EXT2: variants seen among roughly 807,000 people sequenced by gnomAD.
EXT2 encodes exostosin glycosyltransferase 2.
EXT2 carries 53 observed loss-of-function variants against 81.6 expected under a neutral mutation model. The ratio of observed to expected loss-of-function variants is 0.65; its 90% CI spans 0.52 to 0.82. The LOEUF is 0.82. EXT2 is among the 40% of genes least tolerant of loss of function. The pLI, the probability that EXT2 is intolerant of heterozygous loss-of-function variation, is 0.00. For synonymous variants in EXT2, 320 were observed against 340.0 expected, an observed-to-expected ratio of 0.94 and a Z score of 0.65; for missense variants, 774 against 910.2, an observed-to-expected ratio of 0.85 and a Z score of 1.93.
At position 44,109,488 on chromosome 11, in the gene EXT2, C is replaced by G. The variant is rs1590550251; in HGVS notation, c.626+205C>G. Among the ~76,000 whole-genome samples, 3 of 152,266 alleles carry G rather than the reference C, an allele frequency of 2.0e-5. No individual in the cohort carries two copies. In the South Asian group the frequency reaches 6.2e-4, roughly 32 times the overall value. On this transcript the variant is annotated intron_variant, in intron 3 of 13. Coordinates refer to ENST00000533608, the MANE Select transcript of EXT2 (RefSeq NM_207122.2). ...GTTAGGGCTTATGTCCTGGCATAGCCTCTAAAACTGTTTTCCCACTCTGGA... is the reference window on the plus strand; with the variant it reads ...GTTAGGGCTTATGTCCTGGCATAGCGTCTAAAACTGTTTTCCCACTCTGGA...
intron 8 of EXT2, among the ~76,000 whole-genome samples, chr11:44,180,500 T>A (rs990616390): frequency 6.6e-6 from 1 of 152,222 alleles, no homozygotes; most frequent in Non-Finnish European, 1.5e-5. Flanking sequence ...TTAATTTTCC[T>A]GGATTCCCAA....
intron 10 of EXT2, among the ~76,000 whole-genome samples, chr11:44,217,054 A>G (rs1955728355): frequency 6.7e-6 from 1 of 150,002 alleles, no homozygotes; most frequent in African/African-American, 2.5e-5. Flanking sequence ...AGCTCTTTAC[A>G]TGAGCATTAC....
intron 3 of EXT2, among the ~76,000 whole-genome samples, chr11:44,111,887 A>G (rs1057317820): frequency 7.9e-5 from 12 of 152,234 alleles, no homozygotes; most frequent in African/African-American, 2.9e-4. Flanking sequence ...TAATACTATT[A>G]TCATACCTAA....
chr11:44,159,081 GTTTTC>G (rs1226330265), intron 7 of EXT2, among the ~76,000 whole-genome samples: 1 of 146,670 alleles, frequency 6.8e-6, no homozygotes, highest in Non-Finnish European at 1.5e-5. Context: ...GGTTTTTTGG[GTTTTC>G]TTTTCTTAAC....
chr11:44,181,971 A>C (rs556223453), intron 8 of EXT2, among the ~76,000 whole-genome samples: 3 of 152,142 alleles, frequency 2.0e-5, no homozygotes, highest in Non-Finnish European at 4.4e-5. Flanking sequence ...TTGCCTAAGT[A>C]TTGGCATCCA....
chr11:44,108,023 T>C lies in EXT2; in HGVS notation c.311T>C (p.Ile104Thr). 6.2e-7 allele frequency: 1 copy of C among 1,614,116 alleles called. No homozygotes were observed. The highest frequency in any genetic ancestry group is 8.5e-7 in the Non-Finnish European group (1 of 1,180,028). The change falls in exon 2 of 14, where the codon ATC becomes ACC. Residue 104 changes from isoleucine to threonine, a missense_variant. Physicochemically the swap from Ile to Thr is moderately conservative, Grantham distance 89. Around this residue, in one of 2 missense-constraint regions of EXT2, gnomAD observed 626 missense variants for 670.5 expected, o/e 0.93. Coordinates refer to ENST00000533608, the MANE Select transcript of EXT2 (RefSeq NM_207122.2). ...TGTGGCTTCAACCCAAAGAACAAAA[T>C]CAAGGTGTATATCTATGCTCTGAAA... is the stretch of plus-strand genomic sequence containing the variant. ...YRCGFNPKNK[I>T]KVYIYALKKY...
At chr11:44,101,139 T>G (rs1421138977) in intron 1 of EXT2, among the ~76,000 whole-genome samples, 4 of 152,086 alleles carry the variant, frequency 2.6e-5, no homozygotes, top group Non-Finnish European at 5.9e-5. Flanking sequence ...TTAAGGGTGT[T>G]GGACCAAAGG....
intron 7 of EXT2, among the ~76,000 whole-genome samples, chr11:44,130,472 G>C (rs1954476073): frequency 6.6e-6 from 1 of 152,156 alleles, no homozygotes; most frequent in Non-Finnish European, 1.5e-5. Context: ...ACCATTTCAG[G>C]GCAATACTTC....
intron 7 of EXT2, among the ~76,000 whole-genome samples, chr11:44,162,421 C>G (rs985047687): frequency 6.6e-6 from 1 of 151,716 alleles, no homozygotes; most frequent in Non-Finnish European, 1.5e-5. Flanking sequence ...ACTAAAAATA[C>G]AAAAATTAGC....
At chr11:44,145,074 T>C (rs932211680) in intron 7 of EXT2, among the ~76,000 whole-genome samples, 3 of 152,060 alleles carry the variant, frequency 2.0e-5, no homozygotes, top group Non-Finnish European at 4.4e-5. Flanking sequence ...AGAAAAAAAC[T>C]AGATCTTGCA....
intron 1 of EXT2, chr11:44,096,147 G>T (rs1322528614): frequency 1.8e-5 from 20 of 1,111,618 alleles, no homozygotes; most frequent in Non-Finnish European, 2.2e-5. Flanking sequence ...CCCCCAGTCC[G>T]CTCCTTCCTT....
rs146312369 is a variant in EXT2 at position 44,183,597 on chromosome 11, TTA to T, written c.1305+11857_1305+11858del. ...TTAGGCCTTTTATTCTGTCCTTACCTTATGTCTCTCAGCTTTGTTTTGTTTCG... is the reference window on the plus strand; with the variant it reads ...TTAGGCCTTTTATTCTGTCCTTACCTTGTCTCTCAGCTTTGTTTTGTTTCG... On this transcript the variant is annotated intron_variant, in intron 8 of 13. Coordinates refer to ENST00000533608, the MANE Select transcript of EXT2 (RefSeq NM_207122.2). Among the ~76,000 whole-genome samples the T allele has an allele frequency of 1.8e-3, 269 of 152,310 alleles. 7 individuals carry two copies. In the East Asian group the frequency reaches 0.037, roughly 21 times the overall value.
intron 7 of EXT2, among the ~76,000 whole-genome samples, chr11:44,130,761 A>G (rs1277210338): frequency 6.6e-6 from 1 of 152,244 alleles, no homozygotes; most frequent in African/African-American, 2.4e-5. Flanking sequence ...TGAAAAAGTT[A>G]AGAAGACTAT....
At chr11:44,215,117 C>G (rs1228543602) in intron 10 of EXT2, among the ~76,000 whole-genome samples, 1 of 152,100 alleles carries the variant, frequency 6.6e-6, no homozygotes, top group Non-Finnish European at 1.5e-5. Context: ...TTAATTACTA[C>G]TCCTTTCTTG....
intron 13 of EXT2, among the ~76,000 whole-genome samples, chr11:44,240,408 T>C (rs970488380): frequency 1.3e-5 from 2 of 152,108 alleles, no homozygotes; most frequent in African/African-American, 2.4e-5. Flanking sequence ...ACAAAAATAA[T>C]AGCCAGGGGT....
chr11:44,129,955 T>C, intron 6 of EXT2, 90 bp from the exon 7 acceptor site: 1 of 1,010,280 alleles, frequency 9.9e-7, no homozygotes, highest in Non-Finnish European at 1.6e-6. Context: ...TGGGATGTTG[T>C]TTCTGCTTGT....
rs1327238320 is a variant in EXT2, at chr11:44,114,250, C to G, written c.692C>G (p.Pro231Arg). ...CGGCAAGGCTACGATGTCAGCATTC[C>G]TGTCTATAGTCCACTGTCAGCTGAG... ...TYRQGYDVSI[P>R]VYSPLSAEVD... Residue 231 changes from proline (P) to arginine (R), a missense_variant, in exon 4 of 14, where the codon CCT becomes CGT. This residue lies in a region of EXT2 where 626 missense variants were observed against 670.5 expected (regional missense o/e 0.93). Transcript: ENST00000533608. The G allele has an allele frequency of 1.2e-6, 2 of 1,614,092 alleles. No individual in the cohort carries two copies. The highest frequency in any genetic ancestry group is 1.7e-6 in the Non-Finnish European group (2 of 1,179,972).
chr11:44,142,792 G>T (rs1954663461), intron 7 of EXT2, among the ~76,000 whole-genome samples: 1 of 152,186 alleles, frequency 6.6e-6, no homozygotes, highest in Admixed American at 6.5e-5. Context: ...ACATGCTCAT[G>T]ACTGTGAAGC....
rs1177869838 is a variant in EXT2 at position 44,249,823 on chromosome 11, CA to C, written c.*5537del. 6.6e-6 allele frequency among the ~76,000 whole-genome samples: 1 copy of C among 152,190 alleles called. No individual in the cohort carries two copies. The highest frequency in any genetic ancestry group is 2.4e-5 in the African/African-American group (1 of 41,446). ...TGGTGGCTCATGCCTGTAATCCCAG[CA>C]TTTTGGGAGGCCAAAGCGGGCAGAT... On this transcript the variant is annotated 3_prime_UTR_variant, in exon 14 of 14. Transcript: ENST00000533608.
Sources: gnomAD v4.1 joint callset for allele counts (sites outside exome capture counted in the v4.1 genomes callset) on GRCh38, gnomAD v4.1.1 for gene constraint, gnomAD v4.1.1 regional missense constraint, MANE v1.5 for transcripts, NCBI Gene and HGNC (gene_info 2026-07-23, HGNC 2026-07-21) for gene names.